The following PKIA variants were observed in gnomAD, a reference collection of about 807,000 sequenced individuals.
PKIA encodes the protein PKI-alpha.
Under a neutral mutation model 7.6 loss-of-function variants are expected in PKIA, and 4 were observed. The observed-to-expected ratio is 0.52, with a 90% CI of 0.26 to 1.20. The LOEUF is 1.20. Among genes scored for constraint, PKIA ranks in the 50% most tolerant of loss-of-function variants. The probability of loss-of-function intolerance (pLI) is 0.13; values close to 1 mark genes in which losing one functional copy is unlikely to be tolerated. For missense variants in PKIA, 73 were observed against 86.2 expected (o/e 0.85, Z 0.61); for synonymous variants, 21 against 30.7 (o/e 0.68, Z 1.04).
intron 1 of PKIA, among the ~76,000 whole-genome samples, chr8:78,562,749 T>G (rs906629252): frequency 2.0e-5 from 3 of 152,106 alleles, no homozygotes; most frequent in African/African-American, 7.2e-5. Context: ...TGTTTACTTA[T>G]GTACTCTACC....
At chr8:78,595,665 A>G (rs1020566366) in intron 2 of PKIA, among the ~76,000 whole-genome samples, 1 of 152,122 alleles carries the variant, frequency 6.6e-6, no homozygotes, top group Non-Finnish European at 1.5e-5. Flanking sequence ...GCTACCACTT[A>G]TAAGTGAGAA....
chr8:78,549,326 G>A (rs1050774098), intron 1 of PKIA, among the ~76,000 whole-genome samples: 3 of 151,774 alleles, frequency 2.0e-5, no homozygotes, highest in African/African-American at 7.3e-5. Flanking sequence ...AGCTAGAGTA[G>A]CAGATATGCA....
intron 1 of PKIA, among the ~76,000 whole-genome samples, chr8:78,536,171 G>A (rs757789130): frequency 6.0e-4 from 91 of 152,060 alleles, no homozygotes; most frequent in Admixed American, 1.3e-3. Flanking sequence ...TATATTTTTA[G>A]CTTCTGAAAT....
At chr8:78,585,681 T>C (rs940544620) in intron 2 of PKIA, among the ~76,000 whole-genome samples, 1 of 152,190 alleles carries the variant, frequency 6.6e-6, no homozygotes, top group Non-Finnish European at 1.5e-5. Context: ...CAACTGTTTT[T>C]CTTTTTGGTT....
At chr8:78,522,411 G>A (rs1422375235) in intron 1 of PKIA, among the ~76,000 whole-genome samples, 2 of 151,812 alleles carry the variant, frequency 1.3e-5, no homozygotes, top group Non-Finnish European at 2.9e-5. Flanking sequence ...ATTATGCCCA[G>A]ATATTTATAG....
rs186824826 is a variant in PKIA at position 78,562,594 on chromosome 8, C to G, written c.-156-10217C>G. Among the ~76,000 whole-genome samples, 164 of 152,240 alleles carry G rather than the reference C, an allele frequency of 1.1e-3. 1 individual carries two copies. The highest frequency in any genetic ancestry group is 3.8e-3 in the African/African-American group (156 of 41,544). ...CAGCAAGCTTGTAGCTATCACGTGG[C>G]TTTGCATTTACTGATCCTTCTGCTT... On this transcript the variant is annotated intron_variant, in intron 1 of 3. Transcript: ENST00000396418.
At position 78,599,233 on chromosome 8, in the gene PKIA, T is replaced by C. The variant is rs747449035; in HGVS notation, c.151+698T>C. On this transcript the variant is annotated intron_variant, in intron 3 of 3. Transcript: ENST00000396418. ...AGTCCCCTGATAGTTCCTCCACCCATAGCTTTTGCAGATATCAAAGCTGAA... is the reference window on the plus strand; with the variant it reads ...AGTCCCCTGATAGTTCCTCCACCCACAGCTTTTGCAGATATCAAAGCTGAA... Among the ~76,000 whole-genome samples the C allele has an allele frequency of 1.8e-4, 27 of 152,056 alleles. 1 individual carries two copies. The highest frequency in any genetic ancestry group is 1.3e-3 in the Admixed American group (20 of 15,252).
At chr8:78,598,704 C>G (rs1022781173) in intron 3 of PKIA, among the ~76,000 whole-genome samples, 169 bp downstream of exon 3, 14 of 152,142 alleles carry the variant, frequency 9.2e-5, no homozygotes, top group Non-Finnish European at 1.5e-4. Context: ...CACTCCTGCT[C>G]TATTTTCAAT....
rs1351828983 is a variant in PKIA at position 78,602,196 on chromosome 8, T to A, written c.*375T>A. The A allele has an allele frequency of 1.5e-5, 3 of 204,838 alleles. No homozygotes were observed. Among genetic ancestry groups the A allele is most frequent in the Non-Finnish European group, 2.9e-5 (3 of 102,164 alleles). The allele number at this position is 204,838 out of a possible 1,614,324, so 12.7% of individuals were successfully genotyped here. A position where few individuals can be genotyped will look rare whatever the true frequency, so the allele number is the denominator to read the frequency against. ...TTGTGTCTAATTGCGAAGGGTTGAT[T>A]GAACCCCAGAGTTTAAATATCTCTG... On this transcript the variant is annotated 3_prime_UTR_variant, in exon 4 of 4. Coordinates refer to ENST00000396418, the MANE Select transcript of PKIA (RefSeq NM_006823.4).
chr8:78,547,120 T>C, intron 1 of PKIA, among the ~76,000 whole-genome samples: 1 of 145,426 alleles, frequency 6.9e-6, no homozygotes, highest in East Asian at 1.9e-4. Flanking sequence ...TGTTTGTTTG[T>C]TTTTTTGTGA....
At position 78,570,243 on chromosome 8, in the gene PKIA, G is replaced by C. The variant is rs554979723; in HGVS notation, c.-156-2568G>C. On this transcript the variant is annotated intron_variant, in intron 1 of 3. Coordinates refer to ENST00000396418, the MANE Select transcript of PKIA (RefSeq NM_006823.4). ...ATTCATGCCGAGGCACATCATAATT[G>C]AACTTCTGAAACATAAAGAGAAAGG... Among the ~76,000 whole-genome samples the C allele has an allele frequency of 5.3e-5, 8 of 152,140 alleles. No individual in the cohort carries two copies. In the East Asian group the frequency reaches 1.5e-3, roughly 29 times the overall value.
At chr8:78,557,452 T>G (rs1242273137) in intron 1 of PKIA, among the ~76,000 whole-genome samples, 1 of 152,164 alleles carries the variant, frequency 6.6e-6, no homozygotes, top group Non-Finnish European at 1.5e-5. Flanking sequence ...TAAACTTTCC[T>G]TGTTTATTAT....
intron 1 of PKIA, among the ~76,000 whole-genome samples, chr8:78,544,936 G>A (rs1351256856): frequency 6.6e-6 from 1 of 151,806 alleles, no homozygotes; most frequent in Admixed American, 6.6e-5. Flanking sequence ...CAGTAATAGA[G>A]GCCTGATTAA....
chr8:78,523,602 C>G (rs1434884051), intron 1 of PKIA, among the ~76,000 whole-genome samples: 1 of 151,842 alleles, frequency 6.6e-6, no homozygotes, highest in Non-Finnish European at 1.5e-5. Flanking sequence ...TTGCACAACT[C>G]TCCATGATCT....
chr8:78,537,298 G>T (rs1271705653), intron 1 of PKIA, among the ~76,000 whole-genome samples: 2 of 151,544 alleles, frequency 1.3e-5, no homozygotes, highest in Non-Finnish European at 2.9e-5. Flanking sequence ...GTAAAAGATA[G>T]CTATAAACTT....
In PKIA at chr8:78,602,981, A is replaced by G. The variant is rs1369314584; in HGVS notation, c.*1160A>G. On this transcript the variant is annotated 3_prime_UTR_variant, in exon 4 of 4. Coordinates refer to ENST00000396418, the MANE Select transcript of PKIA (RefSeq NM_006823.4). ...TTCAGCCCTCTCAGATCCAAATGTT[A>G]TTATGCACTTTTTAATGTTTGTAAA... 1 of 152,272 alleles carries G rather than the reference A, an allele frequency of 6.6e-6. No individual in the cohort carries two copies. Among genetic ancestry groups the G allele is most frequent in the East Asian group, 1.9e-4 (1 of 5,180 alleles). The allele number at this position is 152,272 out of a possible 1,614,324, so 9.4% of individuals were successfully genotyped here.
In PKIA at chr8:78,603,886, A is replaced by G. The variant is rs1245254017; in HGVS notation, c.*2065A>G. Reference sequence around the variant, plus strand: ...CTATGTGATATACTGTTATTAATGCATGTGGTGCCATGCTTGTCTTTAAAT... The same window carrying G: ...CTATGTGATATACTGTTATTAATGCGTGTGGTGCCATGCTTGTCTTTAAAT... On this transcript the variant is annotated 3_prime_UTR_variant, in exon 4 of 4. Transcript: ENST00000396418. The G allele has an allele frequency of 4.6e-5, 7 of 151,968 alleles. No homozygotes were observed. The highest frequency in any genetic ancestry group is 1.7e-4 in the African/African-American group (7 of 41,416). 9.4% of individuals were successfully genotyped at this position (151,968 alleles called of 1,614,324 possible). A position where few individuals can be genotyped will look rare whatever the true frequency, so the allele number is the denominator to read the frequency against.
chr8:78,579,435 C>G (rs531333970), intron 2 of PKIA, among the ~76,000 whole-genome samples: 1 of 152,084 alleles, frequency 6.6e-6, no homozygotes, highest in Admixed American at 6.6e-5. Context: ...CACTTTCCCC[C>G]TCACACACTC....
At position 78,603,879 on chromosome 8, in the gene PKIA, T is replaced by C. The variant is rs1237294098; in HGVS notation, c.*2058T>C. 6.6e-6 allele frequency: 1 copy of C among 152,040 alleles called. No individual in the cohort carries two copies. The highest frequency in any genetic ancestry group is 2.4e-5 in the African/African-American group (1 of 41,436). The allele number at this position is 152,040 out of a possible 1,614,324, so 9.4% of individuals were successfully genotyped here. ...TATATTCCTATGTGATATACTGTTATTAATGCATGTGGTGCCATGCTTGTC... is the reference window on the plus strand; with the variant it reads ...TATATTCCTATGTGATATACTGTTACTAATGCATGTGGTGCCATGCTTGTC... On this transcript the variant is annotated 3_prime_UTR_variant, in exon 4 of 4. Transcript: ENST00000396418.
Sources: allele counts gnomAD v4.1 joint callset (sites outside exome capture counted in the v4.1 genomes callset), GRCh38; gene constraint gnomAD v4.1.1; transcripts MANE v1.5; gene names NCBI Gene and HGNC (gene_info 2026-07-23, HGNC 2026-07-21).